TSHZ2: variants seen among roughly 807,000 people sequenced by gnomAD.
The protein encoded by TSHZ2 is teashirt zinc finger homeobox 2.
TSHZ2 carries 21 observed loss-of-function variants against 74.4 expected under a neutral mutation model. That is an observed-to-expected ratio of 0.28 (90% CI 0.20 to 0.41). The LOEUF is 0.41. Ranked by LOEUF, TSHZ2 falls within the 10% of genes least tolerant of loss-of-function variation. TSHZ2 has a pLI of 1.00. For synonymous variants in TSHZ2, 540 were observed against 515.3 expected, an observed-to-expected ratio of 1.05 and a Z score of -0.65; for missense variants, 1,244 against 1,293.5, an observed-to-expected ratio of 0.96 and a Z score of 0.59.
intron 1 of TSHZ2, among the ~76,000 whole-genome samples, chr20:53,041,075 G>T (rs112963504): frequency 6.6e-6 from 1 of 152,170 alleles, no homozygotes; most frequent in Non-Finnish European, 1.5e-5. Flanking sequence ...GGCTCCTTGT[G>T]CACTAATTAC....
At chr20:53,336,965 G>A (rs575866148) in intron 2 of TSHZ2, among the ~76,000 whole-genome samples, 53 of 152,184 alleles carry the variant, frequency 3.5e-4, no homozygotes, top group African/African-American at 1.2e-3. Context: ...CTATATATGT[G>A]TATACATACA....
chr20:53,439,419 C>G (rs530354718), intron 2 of TSHZ2, among the ~76,000 whole-genome samples: 1 of 152,198 alleles, frequency 6.6e-6, no homozygotes, highest in African/African-American at 2.4e-5. Context: ...CTGTTGGAAT[C>G]CTCCCTTTCT....
intron 2 of TSHZ2, among the ~76,000 whole-genome samples, chr20:53,402,387 T>C (rs1309365752): frequency 6.6e-6 from 1 of 152,202 alleles, no homozygotes; most frequent in Non-Finnish European, 1.5e-5. Context: ...CAGTTGTGTA[T>C]GGTACTCAGT....
intron 2 of TSHZ2, among the ~76,000 whole-genome samples, chr20:53,422,704 C>T (rs941774724): frequency 1.6e-4 from 24 of 152,154 alleles, no homozygotes; most frequent in Non-Finnish European, 2.9e-4. Flanking sequence ...TTTCTCATTA[C>T]AATCTCGAGT....
At chr20:53,020,854 T>C (rs576373097) in intron 1 of TSHZ2, among the ~76,000 whole-genome samples, 1 of 152,348 alleles carries the variant, frequency 6.6e-6, no homozygotes, top group Admixed American at 6.5e-5. Flanking sequence ...ATTAAGACCA[T>C]AGGCTCCGGA....
rs148168789 is a variant in TSHZ2 at position 53,212,136 on chromosome 20, T to C, written c.41-41363T>C. 8.7e-3 allele frequency among the ~76,000 whole-genome samples: 1,330 copies of C among 152,314 alleles called. 29 individuals are homozygous for C. The highest frequency in any genetic ancestry group is 0.03 in the African/African-American group (1,267 of 41,558). On this transcript the variant is annotated intron_variant, in intron 1 of 2. Transcript: ENST00000371497. ...CTGGGGGCCCAGACAGCACTGCTTC[T>C]CTAATGAAGTTGTCATCTTGGAATC... is the stretch of plus-strand genomic sequence containing the variant.
chr20:52,978,417 T>G (rs192948476), intron 1 of TSHZ2, among the ~76,000 whole-genome samples: 120 of 152,328 alleles, frequency 7.9e-4, no homozygotes, highest in Non-Finnish European at 1.2e-3. Context: ...TCCATCACTG[T>G]ATTTATACTA....
At chr20:53,325,695 T>TG (rs1979460774) in intron 2 of TSHZ2, among the ~76,000 whole-genome samples, 1 of 152,038 alleles carries the variant, frequency 6.6e-6, no homozygotes, top group African/African-American at 2.4e-5. Flanking sequence ...TTTGTTTGTT[T>TG]TTAACTGTGT....
At chr20:53,184,853 G>A (rs375254858) in intron 1 of TSHZ2, among the ~76,000 whole-genome samples, 4 of 152,060 alleles carry the variant, frequency 2.6e-5, no homozygotes, top group Admixed American at 2.0e-4. Flanking sequence ...GATTACAACC[G>A]TGCACCACCA....
chr20:53,473,086 G>A (rs1182267744), intron 2 of TSHZ2, among the ~76,000 whole-genome samples: 4 of 148,810 alleles, frequency 2.7e-5, no homozygotes, highest in Non-Finnish European at 5.9e-5. Context: ...GGGGAGGGGC[G>A]CCCGCCATTG....
At chr20:53,274,817 C>G (rs947562697) in intron 2 of TSHZ2, among the ~76,000 whole-genome samples, 10 of 152,166 alleles carry the variant, frequency 6.6e-5, no homozygotes, top group African/African-American at 2.4e-4. Flanking sequence ...CTATCTCTAT[C>G]ACTGTCTTCA....
chr20:53,031,434 C>T (rs1383663039), intron 1 of TSHZ2, among the ~76,000 whole-genome samples: 1 of 152,124 alleles, frequency 6.6e-6, no homozygotes, highest in East Asian at 1.9e-4. Context: ...CAAGTAGTCA[C>T]CAAAAGAAGA....
chr20:53,148,605 T>TGAAA (rs1300925413), intron 1 of TSHZ2, among the ~76,000 whole-genome samples: 1 of 152,020 alleles, frequency 6.6e-6, no homozygotes, highest in East Asian at 1.9e-4. Flanking sequence ...TGGTTTTGAT[T>TGAAA]GAAAGAAAAA....
chr20:53,060,703 AT>A (rs1273057435), intron 1 of TSHZ2, among the ~76,000 whole-genome samples: 6 of 152,252 alleles, frequency 3.9e-5, no homozygotes, highest in Non-Finnish European at 8.8e-5. Context: ...AATATCCTGA[AT>A]AGAAGGAAGA....
chr20:53,385,743 C>G (rs936549394), intron 2 of TSHZ2, among the ~76,000 whole-genome samples: 1 of 152,184 alleles, frequency 6.6e-6, no homozygotes, highest in African/African-American at 2.4e-5. Flanking sequence ...TTTGATTTAA[C>G]TCCTTCTGAG....
At chr20:52,993,496 C>T (rs745850464) in intron 1 of TSHZ2, among the ~76,000 whole-genome samples, 1 of 152,132 alleles carries the variant, frequency 6.6e-6, no homozygotes, top group Non-Finnish European at 1.5e-5. Flanking sequence ...CCCTGGGCGC[C>T]CCTCCACAAG....
chr20:53,078,946 A>G (rs763663005), intron 1 of TSHZ2, among the ~76,000 whole-genome samples: 25 of 152,232 alleles, frequency 1.6e-4, no homozygotes, highest in Admixed American at 2.0e-4. Context: ...CATCAATGTC[A>G]AAGTCCTAGC....
intron 1 of TSHZ2, among the ~76,000 whole-genome samples, chr20:53,190,128 TATA>T (rs1414235455): frequency 3.9e-4 from 39 of 100,934 alleles, no homozygotes; most frequent in African/African-American, 1.5e-3. Context: ...TATATATATA[TATA>T]TATATATTTT....
chr20:53,334,534 G>A (rs182281488), intron 2 of TSHZ2, among the ~76,000 whole-genome samples: 288 of 152,290 alleles, frequency 1.9e-3, no homozygotes, highest in African/African-American at 6.3e-3. Context: ...AAAATGTGGG[G>A]AGTGAAGGGT....
Sources: gnomAD v4.1 joint callset for allele counts (sites outside exome capture counted in the v4.1 genomes callset) on GRCh38, gnomAD v4.1.1 for gene constraint, MANE v1.5 for transcripts, NCBI Gene and HGNC (gene_info 2026-07-23, HGNC 2026-07-21) for gene names.